Variants in TRAPPC9 observed in about 807,000 individuals in gnomAD.
TRAPPC9 encodes trafficking protein particle complex subunit 9, also known as IKK2 binding protein.
TRAPPC9 carries 83 observed loss-of-function variants against 124.0 expected under a neutral mutation model. That is an observed-to-expected ratio of 0.67 (90% CI 0.56 to 0.80). The LOEUF (loss-of-function observed/expected upper bound fraction) is 0.80, where lower values mean the gene tolerates loss of function less well. Among genes scored for constraint, TRAPPC9 ranks in the 30% least tolerant of loss-of-function variants. TRAPPC9 has a pLI of 0.00. For synonymous variants in TRAPPC9, 638 were observed against 617.5 expected (o/e 1.03, Z -0.49); for missense variants, 1,302 against 1,508.3 (o/e 0.86, Z 2.27).
chr8:140,074,029 C>A (rs1002381076), intron 17 of TRAPPC9, among the ~76,000 whole-genome samples: 1 of 152,182 alleles, frequency 6.6e-6, no homozygotes, highest in Non-Finnish European at 1.5e-5. Context: ...CCAAGGACCC[C>A]CATGTCGCCT....
chr8:139,978,523 C>T (rs1836644963), intron 19 of TRAPPC9, among the ~76,000 whole-genome samples: 1 of 152,118 alleles, frequency 6.6e-6, no homozygotes, highest in Admixed American at 6.5e-5. Flanking sequence ...ATTGGATCTG[C>T]TTCAAAATTA....
At chr8:140,421,149 A>G (rs978480730) in intron 5 of TRAPPC9, among the ~76,000 whole-genome samples, 1 of 152,210 alleles carries the variant, frequency 6.6e-6, no homozygotes, top group African/African-American at 2.4e-5. Flanking sequence ...CCCAAAGTGC[A>G]CTAGCCACAG....
chr8:139,943,212 G>A (rs567827793), intron 19 of TRAPPC9, among the ~76,000 whole-genome samples: 1 of 152,250 alleles, frequency 6.6e-6, no homozygotes, highest in African/African-American at 2.4e-5. Context: ...GACTACAGGT[G>A]CATACCACCA....
At chr8:140,233,769 AC>A (rs1432421041) in intron 16 of TRAPPC9, among the ~76,000 whole-genome samples, 3 of 149,778 alleles carry the variant, frequency 2.0e-5, no homozygotes, top group Non-Finnish European at 4.5e-5. Flanking sequence ...AAAAAAAAAA[AC>A]CTTTTCCTAC....
intron 20 of TRAPPC9, among the ~76,000 whole-genome samples, chr8:139,894,514 G>A (rs1294701472): frequency 6.6e-6 from 1 of 152,212 alleles, no homozygotes; most frequent in African/African-American, 2.4e-5. Context: ...CCCCTGCGGA[G>A]TGTGAGGGGA....
chr8:140,369,060 C>T (rs1177638316), intron 8 of TRAPPC9, among the ~76,000 whole-genome samples: 6 of 152,156 alleles, frequency 3.9e-5, no homozygotes, highest in Non-Finnish European at 2.9e-5. Context: ...GTCATTTCCG[C>T]ACAGACCGTG....
At chr8:139,813,591 A>G (rs1157745312) in intron 21 of TRAPPC9, among the ~76,000 whole-genome samples, 1 of 152,200 alleles carries the variant, frequency 6.6e-6, no homozygotes, top group East Asian at 1.9e-4. Context: ...GGGTGGGGAG[A>G]GGCAAACAGC....
At chr8:139,842,598 G>A (rs61330904) in intron 21 of TRAPPC9, among the ~76,000 whole-genome samples, 14,611 of 151,816 alleles carry the variant, frequency 0.096, 767 homozygotes, top group Middle Eastern at 0.12. Context: ...CTTCGTGCCC[G>A]GGGCCATGAT....
chr8:140,202,408 G>A (rs2062812973), intron 17 of TRAPPC9, among the ~76,000 whole-genome samples: 1 of 152,028 alleles, frequency 6.6e-6, no homozygotes. Flanking sequence ...TTTGAAATTA[G>A]AAAGTAAAGG....
intron 17 of TRAPPC9, among the ~76,000 whole-genome samples, chr8:140,109,830 C>T (rs1041527564): frequency 5.3e-5 from 8 of 152,200 alleles, no homozygotes; most frequent in African/African-American, 1.2e-4. Flanking sequence ...CCCTGGGCCA[C>T]GCAGGCCAGC....
At chr8:139,754,463 TC>T (rs1819563205) in intron 21 of TRAPPC9, among the ~76,000 whole-genome samples, 1 of 152,118 alleles carries the variant, frequency 6.6e-6, no homozygotes, top group Non-Finnish European at 1.5e-5. Context: ...GGTGCTGCCT[TC>T]CAAGACTGCC....
intron 21 of TRAPPC9, among the ~76,000 whole-genome samples, chr8:139,808,875 A>G (rs58935557): frequency 0.021 from 3,150 of 152,312 alleles, 108 homozygotes; most frequent in African/African-American, 0.072. Flanking sequence ...TAGGTAAACA[A>G]AAACACTTGA....
intron 17 of TRAPPC9, among the ~76,000 whole-genome samples, chr8:140,028,241 A>T (rs1840278614): frequency 6.6e-6 from 1 of 152,190 alleles, no homozygotes; most frequent in African/African-American, 2.4e-5. Context: ...AATCCAAGAG[A>T]CTTCATAAGA....
At chr8:140,028,527 G>A (rs1173082964) in intron 17 of TRAPPC9, among the ~76,000 whole-genome samples, 2 of 152,224 alleles carry the variant, frequency 1.3e-5, no homozygotes, top group African/African-American at 2.4e-5. Flanking sequence ...CACCCAGGAA[G>A]CAGCACAGGC....
intron 21 of TRAPPC9, among the ~76,000 whole-genome samples, chr8:139,766,079 T>C (rs1313084192): frequency 6.6e-6 from 1 of 152,218 alleles, no homozygotes; most frequent in African/African-American, 2.4e-5. Flanking sequence ...AACAGTGAAA[T>C]GTTTTGCTTT....
chr8:140,452,660 T>TA, intron 1 of TRAPPC9, among the ~76,000 whole-genome samples: 1 of 152,036 alleles, frequency 6.6e-6, no homozygotes, highest in Non-Finnish European at 1.5e-5. Flanking sequence ...GGGGAAAAAT[T>TA]AAATTAGATG....
At chr8:140,093,028 G>GAA (rs796787044) in intron 17 of TRAPPC9, among the ~76,000 whole-genome samples, 22 of 140,500 alleles carry the variant, frequency 1.6e-4, no homozygotes, top group Admixed American at 4.3e-4. Flanking sequence ...GTATCTGAAT[G>GAA]AAAAAAAAAA....
intron 4 of TRAPPC9, 41 bp downstream of exon 4, chr8:140,435,071 G>T (rs758699502): frequency 3.2e-5 from 52 of 1,613,678 alleles, no homozygotes; most frequent in Non-Finnish European, 4.2e-5. Flanking sequence ...TTTATTTAAA[G>T]ACTGCAAGTG....
chr8:140,359,374 G>C (rs1012883089), intron 9 of TRAPPC9, among the ~76,000 whole-genome samples: 1 of 152,198 alleles, frequency 6.6e-6, no homozygotes, highest in African/African-American at 2.4e-5. Flanking sequence ...CAAGCGCGTA[G>C]GGAAACAGGT....
Sources: allele counts gnomAD v4.1 joint callset (sites outside exome capture counted in the v4.1 genomes callset), GRCh38; gene constraint gnomAD v4.1.1; transcripts MANE v1.5; gene names NCBI Gene and HGNC (gene_info 2026-07-23, HGNC 2026-07-21).